Variants in NOVA2 observed in about 807,000 individuals in gnomAD.
NOVA2 encodes the protein RNA-binding protein Nova-2.
A neutral mutation model predicts 22.5 loss-of-function variants in NOVA2; 9 were observed. The observed-to-expected ratio is 0.40, with a 90% CI of 0.24 to 0.70. The LOEUF (loss-of-function observed/expected upper bound fraction) is 0.70, where lower values mean the gene tolerates loss of function less well. NOVA2 is among the 30% of genes least tolerant of loss of function. The probability of loss-of-function intolerance (pLI) is 0.38; values close to 1 mark genes in which losing one functional copy is unlikely to be tolerated. For missense variants in NOVA2, 383 were observed against 682.8 expected (o/e 0.56, Z 4.89); for synonymous variants, 318 against 335.2 (o/e 0.95, Z 0.56).
chr19:45,943,907 G>A (rs1032123809), intron 3 of NOVA2, among the ~76,000 whole-genome samples: 3 of 152,094 alleles, frequency 2.0e-5, no homozygotes, highest in African/African-American at 7.2e-5. Flanking sequence ...TTCCAGGAAC[G>A]CAACTACCAG....
chr19:45,940,049 C>T lies in NOVA2; in HGVS notation c.1293G>A (p.Glu431=). ...ILGKGGKTLV[E]YQELTGARIQ... ...TGCGAGCGCCCGTCAGCTCCTGGTACTCCACCAACGTCTTGCCCCCCTTCC... is the reference window on the plus strand; with the variant it reads ...TGCGAGCGCCCGTCAGCTCCTGGTATTCCACCAACGTCTTGCCCCCCTTCC... The change falls in exon 4 of 4, where the codon GAG becomes GAA. Residue 431 remains glutamate (E), a synonymous_variant. Coordinates refer to ENST00000263257, the MANE Select transcript of NOVA2 (RefSeq NM_002516.4). 6.2e-7 allele frequency: 1 copy of T among 1,614,054 alleles called. No individual in the cohort carries two copies. The highest frequency in any genetic ancestry group is 8.5e-7 in the Non-Finnish European group (1 of 1,179,956).
chr19:45,948,234 C>T (rs1967870037), intron 3 of NOVA2, among the ~76,000 whole-genome samples: 1 of 152,034 alleles, frequency 6.6e-6, no homozygotes, highest in Non-Finnish European at 1.5e-5. Flanking sequence ...ATGTGCTGAG[C>T]ACCTACTATG....
At chr19:45,955,867 CAAAA>C (rs963433038) in intron 2 of NOVA2, among the ~76,000 whole-genome samples, 1 of 150,576 alleles carries the variant, frequency 6.6e-6, no homozygotes, top group Non-Finnish European at 1.5e-5. Flanking sequence ...AAAAAAAAAA[CAAAA>C]AAAAGAAAAA....
intron 3 of NOVA2, among the ~76,000 whole-genome samples, chr19:45,951,201 G>A (rs1051035563): frequency 6.6e-6 from 1 of 152,214 alleles, no homozygotes; most frequent in Non-Finnish European, 1.5e-5. Flanking sequence ...AGTTGGCCTG[G>A]CGCAATGGCT....
rs572884966 is a variant in NOVA2, at chr19:45,941,651, C to A, written c.397-706G>T. Among the ~76,000 whole-genome samples the A allele has an allele frequency of 2.0e-5, 3 of 152,278 alleles. No individual in the cohort carries two copies. In the East Asian group the frequency reaches 5.8e-4, roughly 29 times the overall value. On this transcript the variant is annotated intron_variant, in intron 3 of 3. Transcript: ENST00000263257. ...ATGGCTCAGGCCTGTAATCCCAGCA[C>A]TTTGACAGGCTGAGGTGGGAGGATA...
chr19:45,945,654 TA>T (rs969300312), intron 3 of NOVA2, among the ~76,000 whole-genome samples: 2 of 152,060 alleles, frequency 1.3e-5, no homozygotes, highest in African/African-American at 4.8e-5. Context: ...TATATCTCAA[TA>T]AAGCTGTCAA....
intron 2 of NOVA2, among the ~76,000 whole-genome samples, chr19:45,960,392 T>G (rs1968076959): frequency 2.2e-5 from 3 of 137,512 alleles, no homozygotes; most frequent in Admixed American, 7.2e-5. Flanking sequence ...GAAGGAAAGA[T>G]GAGGGGAGGG....
At chr19:45,969,105 G>A (rs1157415570) in intron 1 of NOVA2, among the ~76,000 whole-genome samples, 1 of 152,158 alleles carries the variant, frequency 6.6e-6, no homozygotes, top group African/African-American at 2.4e-5. Context: ...GTTGCAGTGA[G>A]CTGAGATGGC....
At chr19:45,942,283 G>A (rs1028461584) in intron 3 of NOVA2, among the ~76,000 whole-genome samples, 12 of 152,134 alleles carry the variant, frequency 7.9e-5, no homozygotes, top group Non-Finnish European at 1.6e-4. Flanking sequence ...TCATTAGGGC[G>A]GGCCCTAATT....
In NOVA2 at chr19:45,973,797, A is replaced by ACTGG. The variant is rs2146433031; in HGVS notation, c.-450_-447dup. On this transcript the variant is annotated 5_prime_UTR_variant, in exon 1 of 4. Coordinates refer to ENST00000263257, the MANE Select transcript of NOVA2 (RefSeq NM_002516.4). ...TCTCCTGGGACCACAGAGGCTGGGGACTGGACGCGCCACTGGGGGGACGGG... is the reference window on the plus strand; with the variant it reads ...TCTCCTGGGACCACAGAGGCTGGGGACTGGCTGGACGCGCCACTGGGGGGACGGG... Among the ~76,000 whole-genome samples the ACTGG allele has an allele frequency of 6.6e-6, 1 of 150,950 alleles. No individual in the cohort carries two copies. The highest frequency in any genetic ancestry group is 2.1e-4 in the South Asian group (1 of 4,786).
intron 3 of NOVA2, 127 bp from the exon 4 acceptor site, chr19:45,941,072 T>C: frequency 4.5e-6 from 4 of 890,304 alleles, no homozygotes; most frequent in Non-Finnish European, 6.6e-6. Context: ...GGCAGATTAC[T>C]TGAGGTCAGG....
At chr19:45,955,400 T>C (rs1967989694) in intron 2 of NOVA2, among the ~76,000 whole-genome samples, 1 of 152,028 alleles carries the variant, frequency 6.6e-6, no homozygotes, top group Non-Finnish European at 1.5e-5. Context: ...GACTGGTGTG[T>C]TTGTGTATGT....
At chr19:45,969,612 T>G (rs1968209533) in intron 1 of NOVA2, among the ~76,000 whole-genome samples, 1 of 149,830 alleles carries the variant, frequency 6.7e-6, no homozygotes, top group South Asian at 2.1e-4. Context: ...TGTCTGTATA[T>G]GGGTTTTTAT....
chr19:45,947,298 G>A (rs1967855159), intron 3 of NOVA2, among the ~76,000 whole-genome samples: 1 of 152,114 alleles, frequency 6.6e-6, no homozygotes, highest in South Asian at 2.1e-4. Context: ...ACTGAAGGAT[G>A]ACACGCCCAC....
intron 3 of NOVA2, among the ~76,000 whole-genome samples, chr19:45,947,124 C>G: frequency 6.6e-6 from 1 of 152,158 alleles, no homozygotes; most frequent in Non-Finnish European, 1.5e-5. Context: ...CTATATTTTA[C>G]TTATCTCCTT....
chr19:45,969,875 G>A (rs1175422097), intron 1 of NOVA2, among the ~76,000 whole-genome samples: 2 of 152,178 alleles, frequency 1.3e-5, no homozygotes, highest in East Asian at 3.8e-4. Context: ...AGAAGCAAGT[G>A]TGAACTGCCA....
intron 1 of NOVA2, among the ~76,000 whole-genome samples, chr19:45,963,762 C>T (rs1600617631): frequency 6.6e-6 from 1 of 152,124 alleles, no homozygotes; most frequent in African/African-American, 2.4e-5. Context: ...GGTCACCTGG[C>T]CTCGTGATCT....
At chr19:45,969,999 C>T (rs1968213987) in intron 1 of NOVA2, among the ~76,000 whole-genome samples, 1 of 152,188 alleles carries the variant, frequency 6.6e-6, no homozygotes, top group Non-Finnish European at 1.5e-5. Context: ...CCCTCTGAGC[C>T]TCAGTTTCCC....
At chr19:45,941,795 G>C (rs940164135) in intron 3 of NOVA2, among the ~76,000 whole-genome samples, 11 of 152,156 alleles carry the variant, frequency 7.2e-5, no homozygotes, top group African/African-American at 2.7e-4. Flanking sequence ...TGAATAGCCA[G>C]TATTTGAGGT....
Sources: allele counts gnomAD v4.1 joint callset (sites outside exome capture counted in the v4.1 genomes callset), GRCh38; gene constraint gnomAD v4.1.1; transcripts MANE v1.5; gene names NCBI Gene and HGNC (gene_info 2026-07-23, HGNC 2026-07-21).